Variants in EPHA6 observed in about 807,000 individuals in gnomAD.
EPHA6 encodes EPH receptor A6.
Under a neutral mutation model 112.0 loss-of-function variants are expected in EPHA6, and 50 were observed. The observed-to-expected ratio is 0.45, with a 90% CI of 0.36 to 0.56. The LOEUF is 0.56. Ranked by LOEUF, EPHA6 falls within the 20% of genes least tolerant of loss-of-function variation. EPHA6 has a pLI of 0.00. For missense variants in EPHA6, 1,280 were observed against 1,417.4 expected (o/e 0.90, Z 1.56); for synonymous variants, 529 against 490.7 (o/e 1.08, Z -1.03).
chr3:97,226,276 G>T lies in EPHA6; in HGVS notation c.1127G>T (p.Gly376Val). The T allele has an allele frequency of 6.2e-7, 1 of 1,604,770 alleles. No individual in the cohort carries two copies. The highest frequency in any genetic ancestry group is 8.5e-7 in the Non-Finnish European group (1 of 1,176,880). Residue 376 changes from glycine to valine, a missense_variant, in exon 4 of 18, where the codon GGA (glycine) becomes GTA (valine). Around this residue, in one of 4 missense-constraint regions of EPHA6, gnomAD observed 878 missense variants for 999.7 expected, o/e 0.88. Transcript: ENST00000389672. ...IEGSCHACRP[G>V]FYKAFAGNTK... ...TCTCTTTTTACAGCTTGCAGACCAG[G>T]ATTCTATAAAGCTTTTGCTGGGAAC...
At chr3:97,191,465 TC>T (rs1192923160) in intron 3 of EPHA6, among the ~76,000 whole-genome samples, 1 of 151,902 alleles carries the variant, frequency 6.6e-6, no homozygotes, top group Non-Finnish European at 1.5e-5. Flanking sequence ...CCCTTCCCTC[TC>T]CCCCAGTACC....
At chr3:96,984,494 G>A (rs1398495489) in intron 2 of EPHA6, among the ~76,000 whole-genome samples, 2 of 152,174 alleles carry the variant, frequency 1.3e-5, no homozygotes, top group Admixed American at 6.5e-5. Context: ...AGGCTACTTG[G>A]GGGTGTGGGA....
At chr3:97,538,050 A>G (rs1051412204) in intron 11 of EPHA6, among the ~76,000 whole-genome samples, 6 of 152,220 alleles carry the variant, frequency 3.9e-5, no homozygotes, top group Admixed American at 1.3e-4. Context: ...AGAGGAAACC[A>G]CTAGTTACAT....
intron 3 of EPHA6, among the ~76,000 whole-genome samples, chr3:97,018,770 A>G (rs1438893025): frequency 3.3e-5 from 5 of 152,170 alleles, no homozygotes; most frequent in Admixed American, 1.3e-4. Context: ...GCCCTCCACA[A>G]GAGGTGAAGG....
chr3:97,199,740 A>AAAAC (rs369939464), intron 3 of EPHA6, among the ~76,000 whole-genome samples: 25 of 152,282 alleles, frequency 1.6e-4, no homozygotes, highest in East Asian at 3.9e-4. Context: ...CCTTCCAGAA[A>AAAAC]AAACAAACAA....
At chr3:96,944,420 T>TTTATGGC (rs1268110553) in intron 2 of EPHA6, among the ~76,000 whole-genome samples, 1 of 152,202 alleles carries the variant, frequency 6.6e-6, no homozygotes, top group Non-Finnish European at 1.5e-5. Flanking sequence ...TATGATCTTA[T>TTTATGGC]TTAGTTTCAA....
intron 4 of EPHA6, among the ~76,000 whole-genome samples, chr3:97,239,288 G>A (rs987914180): frequency 6.6e-6 from 1 of 151,786 alleles, no homozygotes; most frequent in African/African-American, 2.4e-5. Context: ...TTACTAATTT[G>A]TATGTTTTGA....
chr3:97,051,340 A>G (rs900860711), intron 3 of EPHA6, among the ~76,000 whole-genome samples: 1 of 152,156 alleles, frequency 6.6e-6, no homozygotes, highest in African/African-American at 2.4e-5. Context: ...GAGATATAGT[A>G]TGTATGTTTA....
At chr3:97,593,832 C>G (rs543831714) in intron 12 of EPHA6, among the ~76,000 whole-genome samples, 1 of 152,230 alleles carries the variant, frequency 6.6e-6, no homozygotes, top group East Asian at 1.9e-4. Flanking sequence ...TGGTTAGATA[C>G]TTTGTGGCCA....
chr3:97,076,816 A>G (rs1004604106), intron 3 of EPHA6, among the ~76,000 whole-genome samples: 6 of 152,104 alleles, frequency 3.9e-5, no homozygotes, highest in African/African-American at 1.4e-4. Flanking sequence ...GAATTATGGT[A>G]AATCTACTCT....
intron 3 of EPHA6, among the ~76,000 whole-genome samples, chr3:97,180,674 ACT>A (rs1463811085): frequency 6.6e-6 from 1 of 151,768 alleles, no homozygotes; most frequent in Non-Finnish European, 1.5e-5. Flanking sequence ...GGAATGGGAG[ACT>A]CACAACTCTG....
chr3:97,341,279 T>TA (rs1473061228), intron 5 of EPHA6, among the ~76,000 whole-genome samples: 4 of 151,322 alleles, frequency 2.6e-5, no homozygotes, highest in African/African-American at 7.3e-5. Context: ...AAGAAGGGGC[T>TA]AAAAAAAAGC....
At chr3:96,908,639 T>C (rs544807431) in intron 2 of EPHA6, among the ~76,000 whole-genome samples, 19 of 152,092 alleles carry the variant, frequency 1.2e-4, no homozygotes, top group Non-Finnish European at 2.2e-4. Context: ...TAGCCATTGT[T>C]AACTGAGTGG....
At chr3:97,061,062 A>G (rs1422044972) in intron 3 of EPHA6, among the ~76,000 whole-genome samples, 2 of 152,130 alleles carry the variant, frequency 1.3e-5, no homozygotes, top group Non-Finnish European at 2.9e-5. Context: ...AGTAGAATAA[A>G]GACTTGCCAA....
rs113111668 is a variant in EPHA6, at chr3:97,214,158, C to A, written c.1115-12106C>A. ...GGTTCAAGTGATTCTCATGCCTCAG[C>A]CTCCCAAGGAGCTGGAATTCCAGGT... On this transcript the variant is annotated intron_variant, in intron 3 of 17. Transcript: ENST00000389672. Among the ~76,000 whole-genome samples the A allele has an allele frequency of 2.2e-3, 338 of 152,004 alleles. 2 individuals carry two copies. The highest frequency in any genetic ancestry group is 7.5e-3 in the African/African-American group (312 of 41,440).
intron 5 of EPHA6, among the ~76,000 whole-genome samples, chr3:97,366,283 G>A (rs1559926238): frequency 6.6e-6 from 1 of 151,910 alleles, no homozygotes; most frequent in Non-Finnish European, 1.5e-5. Flanking sequence ...GCAATATGTT[G>A]GGTGGAACAC....
intron 2 of EPHA6, among the ~76,000 whole-genome samples, chr3:96,881,812 A>G (rs2037331885): frequency 6.6e-6 from 1 of 152,184 alleles, no homozygotes; most frequent in South Asian, 2.1e-4. Context: ...GGCATTCCAA[A>G]TGGGAGAAAT....
chr3:97,023,047 G>T (rs1481751719), intron 3 of EPHA6, among the ~76,000 whole-genome samples: 1 of 152,096 alleles, frequency 6.6e-6, no homozygotes, highest in Admixed American at 6.6e-5. Context: ...TGCCGGGGCA[G>T]CAATAAAGTA....
At chr3:97,259,246 T>C (rs1167885612) in intron 5 of EPHA6, among the ~76,000 whole-genome samples, 4 of 152,130 alleles carry the variant, frequency 2.6e-5, no homozygotes, top group Admixed American at 6.5e-5. Context: ...TGAAAAAAAA[T>C]CTATGTAAAT....
Sources: gnomAD v4.1 joint callset for allele counts (sites outside exome capture counted in the v4.1 genomes callset) on GRCh38, gnomAD v4.1.1 for gene constraint, gnomAD v4.1.1 regional missense constraint, MANE v1.5 for transcripts, NCBI Gene and HGNC (gene_info 2026-07-23, HGNC 2026-07-21) for gene names.